Variants in FBXL17 observed in about 807,000 individuals in gnomAD.
FBXL17 encodes the protein F-box and leucine rich repeat protein 17, also known as F-box/LRR-repeat protein 17.
A neutral mutation model predicts 66.2 loss-of-function variants in FBXL17; 22 were observed. The observed-to-expected ratio is 0.33, with a 90% CI of 0.24 to 0.47. The LOEUF (loss-of-function observed/expected upper bound fraction) is 0.47. FBXL17 is among the 20% of genes least tolerant of loss of function. FBXL17 has a pLI of 1.00. For missense variants in FBXL17, 878 were observed against 948.2 expected (o/e 0.93, Z 0.97); for synonymous variants, 474 against 400.5 (o/e 1.18, Z -2.19).
intron 6 of FBXL17, among the ~76,000 whole-genome samples, chr5:108,075,507 G>A (rs902643829): frequency 5.3e-5 from 8 of 152,016 alleles, no homozygotes; most frequent in East Asian, 1.9e-4. Flanking sequence ...ATGGAGTTTC[G>A]CTCTTGTTGC....
At chr5:108,004,370 A>G (rs1031854786) in intron 7 of FBXL17, among the ~76,000 whole-genome samples, 2 of 152,218 alleles carry the variant, frequency 1.3e-5, no homozygotes, top group Non-Finnish European at 2.9e-5. Context: ...AAGAAATTGT[A>G]TCTTATTTGA....
At chr5:108,168,584 C>T (rs528017963) in intron 6 of FBXL17, among the ~76,000 whole-genome samples, 1 of 152,226 alleles carries the variant, frequency 6.6e-6, no homozygotes, top group Admixed American at 6.5e-5. Flanking sequence ...TAGGTGGAAT[C>T]CCAGGCAGTT....
At chr5:107,943,354 T>C (rs1751176352) in intron 7 of FBXL17, among the ~76,000 whole-genome samples, 1 of 152,134 alleles carries the variant, frequency 6.6e-6, no homozygotes, top group South Asian at 2.1e-4. Context: ...AAAACACCAT[T>C]CATCTATTCC....
At chr5:108,367,249 T>A (rs982196930) in intron 2 of FBXL17, among the ~76,000 whole-genome samples, 10 of 152,038 alleles carry the variant, frequency 6.6e-5, no homozygotes, top group African/African-American at 2.4e-4. Context: ...CACTACAAAC[T>A]CTTTTTTCCT....
chr5:107,879,593 G>C (rs1199882591), intron 8 of FBXL17: 1 of 985,280 alleles, frequency 1.0e-6, no homozygotes, highest in African/African-American at 1.7e-5. Context: ...TTGGAGAAAA[G>C]AATTAGCCAA....
chr5:108,029,619 C>A (rs907168584), intron 6 of FBXL17, among the ~76,000 whole-genome samples: 3 of 151,990 alleles, frequency 2.0e-5, no homozygotes, highest in Non-Finnish European at 2.9e-5. Flanking sequence ...AGAGAGATAA[C>A]TTTTTACTTA....
At chr5:108,220,567 T>A (rs1423013754) in intron 5 of FBXL17, among the ~76,000 whole-genome samples, 1 of 152,160 alleles carries the variant, frequency 6.6e-6, no homozygotes, top group Non-Finnish European at 1.5e-5. Context: ...CTGGAAGAAG[T>A]CCAGTTTCGT....
chr5:108,009,129 A>G (rs1225078504), intron 7 of FBXL17, among the ~76,000 whole-genome samples: 1 of 141,558 alleles, frequency 7.1e-6, no homozygotes, highest in African/African-American at 2.6e-5. Flanking sequence ...ATTATTTGCC[A>G]TATGAAAGCA....
At chr5:107,895,072 CT>C (rs1369095301) in intron 7 of FBXL17, among the ~76,000 whole-genome samples, 1 of 152,000 alleles carries the variant, frequency 6.6e-6, no homozygotes, top group Admixed American at 6.6e-5. Flanking sequence ...TTTAATGTTT[CT>C]GTCTTTTGTA....
chr5:108,337,161 C>A (rs184731377), intron 4 of FBXL17, among the ~76,000 whole-genome samples: 158 of 150,944 alleles, frequency 1.0e-3, no homozygotes, highest in African/African-American at 3.6e-3. Flanking sequence ...GAGGCTGAGG[C>A]AGGACAATTG....
intron 4 of FBXL17, among the ~76,000 whole-genome samples, chr5:108,258,737 ATTTTTTT>A (rs759401052): frequency 8.1e-6 from 1 of 122,864 alleles, no homozygotes; most frequent in Admixed American, 8.1e-5. Context: ...GGCCTTTAAC[ATTTTTTT>A]TTTTTTTTTT....
intron 6 of FBXL17, among the ~76,000 whole-genome samples, chr5:108,128,557 C>T (rs572002519): frequency 6.6e-6 from 1 of 152,190 alleles, no homozygotes; most frequent in African/African-American, 2.4e-5. Context: ...TCCTGGGGCA[C>T]ATAGAAACTC....
At chr5:108,280,241 C>A (rs1047472382) in intron 4 of FBXL17, among the ~76,000 whole-genome samples, 6 of 152,024 alleles carry the variant, frequency 3.9e-5, no homozygotes, top group African/African-American at 1.4e-4. Context: ...CACCTATTCA[C>A]CTATAAAGGA....
At chr5:108,054,387 T>A (rs1016112314) in intron 6 of FBXL17, among the ~76,000 whole-genome samples, 2 of 152,094 alleles carry the variant, frequency 1.3e-5, no homozygotes, top group Admixed American at 1.3e-4. Flanking sequence ...GAGGGTCACC[T>A]CATTACTGCT....
chr5:108,354,718 A>T (rs1004152620), intron 3 of FBXL17, among the ~76,000 whole-genome samples: 1 of 151,710 alleles, frequency 6.6e-6, no homozygotes, highest in African/African-American at 2.4e-5. Flanking sequence ...ACTGCAAAAA[A>T]TCAAAGGTTA....
At chr5:108,312,805 C>T (rs1376594438) in intron 4 of FBXL17, among the ~76,000 whole-genome samples, 3 of 152,024 alleles carry the variant, frequency 2.0e-5, no homozygotes, top group South Asian at 4.1e-4. Context: ...CTTCCAGGCC[C>T]TCTAATTAAA....
At chr5:108,336,330 A>G (rs560559419) in intron 4 of FBXL17, among the ~76,000 whole-genome samples, 2 of 152,294 alleles carry the variant, frequency 1.3e-5, no homozygotes, top group African/African-American at 4.8e-5. Context: ...ATATTTATCA[A>G]ATATTATATT....
intron 4 of FBXL17, among the ~76,000 whole-genome samples, chr5:108,231,699 A>G (rs535353852): frequency 4.9e-4 from 74 of 152,228 alleles, no homozygotes; most frequent in Non-Finnish European, 8.5e-4. Context: ...CCTACCTTTA[A>G]GTCAACAGGC....
chr5:108,030,073 G>A (rs34841609), intron 6 of FBXL17, among the ~76,000 whole-genome samples: 49,330 of 152,042 alleles, frequency 0.32, 9,418 homozygotes, highest in Admixed American at 0.43. Flanking sequence ...ATACACTTAT[G>A]AAGAGAACTC....
Sources: allele counts gnomAD v4.1 joint callset (sites outside exome capture counted in the v4.1 genomes callset), GRCh38; gene constraint gnomAD v4.1.1; transcripts MANE v1.5; gene names NCBI Gene and HGNC (gene_info 2026-07-23, HGNC 2026-07-21).